CLDN16: variants seen among roughly 807,000 people sequenced by gnomAD.
CLDN16 encodes claudin 16, also known as claudin-16.
In CLDN16, 13 loss-of-function variants were observed where a neutral mutation model predicts 24.6. The observed-to-expected ratio is 0.53, with a 90% CI of 0.34 to 0.84. The LOEUF (loss-of-function observed/expected upper bound fraction) is 0.84, where lower values mean the gene tolerates loss of function less well. CLDN16 is among the 40% of genes least tolerant of loss of function. CLDN16 has a pLI of 0.01. For synonymous variants in CLDN16, 116 were observed against 106.7 expected, an observed-to-expected ratio of 1.09 and a Z score of -0.54; for missense variants, 298 against 292.7, an observed-to-expected ratio of 1.02 and a Z score of -0.13.
upstream of CLDN16, chr3:190,322,009 G>C (rs1716936831): frequency 6.2e-7 from 1 of 1,614,082 alleles, no homozygotes; most frequent in Non-Finnish European, 8.5e-7. Flanking sequence ...AGGAGTCAAA[G>C]ACTTTGCACT....
At chr3:190,317,749 T>A (rs1322449404), upstream of CLDN16, among the ~76,000 whole-genome samples, 2 of 152,230 alleles carry the variant, frequency 1.3e-5, no homozygotes, top group Admixed American at 6.5e-5. Flanking sequence ...GGAAGCCTTG[T>A]ATACAGAAAG....
At chr3:190,363,563 T>A (rs1022477321) in intron 1 of CLDN16, among the ~76,000 whole-genome samples, 2 of 98,768 alleles carry the variant, frequency 2.0e-5, no homozygotes, top group African/African-American at 8.2e-5. Flanking sequence ...TGTGTATATA[T>A]ATATATATAT....
chr3:190,371,361 T>C (rs1203190095), intron 2 of CLDN16, among the ~76,000 whole-genome samples: 1 of 151,862 alleles, frequency 6.6e-6, no homozygotes, highest in Non-Finnish European at 1.5e-5. Flanking sequence ...CTCATGATAA[T>C]TTCTTTTTAG....
At chr3:190,332,591 T>A (rs1200757330) in intron 1 of CLDN16, among the ~76,000 whole-genome samples, 1 of 152,200 alleles carries the variant, frequency 6.6e-6, no homozygotes, top group African/African-American at 2.4e-5. Flanking sequence ...ATTAAAATTA[T>A]CTCTAAGGTC....
chr3:190,321,197 T>A (rs1214969004), upstream of CLDN16, among the ~76,000 whole-genome samples: 1 of 152,190 alleles, frequency 6.6e-6, no homozygotes, highest in Non-Finnish European at 1.5e-5. Flanking sequence ...TGCATTTCCC[T>A]TCAGTGCCTT....
chr3:190,359,639 C>G (rs73889974), intron 1 of CLDN16, among the ~76,000 whole-genome samples: 1 of 151,958 alleles, frequency 6.6e-6, no homozygotes, highest in Non-Finnish European at 1.5e-5. Flanking sequence ...TCCTTACAGT[C>G]CAATGGTTGA....
At chr3:190,315,864 C>G in the CLDN16 span, among the ~76,000 whole-genome samples, 1 of 152,114 alleles carries the variant, frequency 6.6e-6, no homozygotes. Flanking sequence ...TCTCATGAGT[C>G]GGACTGTGTA....
chr3:190,357,910 T>TG (rs1717811258), intron 1 of CLDN16, among the ~76,000 whole-genome samples: 1 of 151,954 alleles, frequency 6.6e-6, no homozygotes, highest in African/African-American at 2.4e-5. Flanking sequence ...TATGTGTCTT[T>TG]CTGCCACAAT....
chr3:190,343,388 A>T (rs1455746940), intron 1 of CLDN16, among the ~76,000 whole-genome samples: 1 of 152,170 alleles, frequency 6.6e-6, no homozygotes, highest in East Asian at 1.9e-4. Context: ...TAAAAAAAGT[A>T]TAGAAGTTCC....
At chr3:190,290,690 G>A in the CLDN16 span, among the ~76,000 whole-genome samples, 1 of 152,096 alleles carries the variant, frequency 6.6e-6, no homozygotes, top group Non-Finnish European at 1.5e-5. Flanking sequence ...TTATCTTACA[G>A]AAAGGATGTA....
At chr3:190,313,623 A>G in the CLDN16 span, among the ~76,000 whole-genome samples, 1 of 152,190 alleles carries the variant, frequency 6.6e-6, no homozygotes, top group Non-Finnish European at 1.5e-5. Flanking sequence ...AAGAATATAG[A>G]AGTCATTTTC....
chr3:190,335,826 A>G (rs1445141238), intron 1 of CLDN16, among the ~76,000 whole-genome samples: 1 of 152,194 alleles, frequency 6.6e-6, no homozygotes, highest in African/African-American at 2.4e-5. Flanking sequence ...AGGGAGCTCA[A>G]TATAAATGAC....
intron 1 of CLDN16, among the ~76,000 whole-genome samples, chr3:190,363,576 A>G (rs895335661): frequency 7.5e-6 from 1 of 134,088 alleles, no homozygotes; most frequent in East Asian, 2.3e-4. Context: ...ATATATATAT[A>G]TATATATATA....
chr3:190,298,348 T>TACACAC, the CLDN16 span, among the ~76,000 whole-genome samples: 3,810 of 147,930 alleles, frequency 0.026, 124 homozygotes, highest in African/African-American at 0.08. Context: ...ATGTATATTA[T>TACACAC]ACACACACAC....
intron 1 of CLDN16, among the ~76,000 whole-genome samples, chr3:190,330,638 C>T (rs1266061023): frequency 6.6e-6 from 1 of 152,040 alleles, no homozygotes; most frequent in Non-Finnish European, 1.5e-5. Flanking sequence ...AATGTTATCT[C>T]TTGTAATAAC....
intron 1 of CLDN16, among the ~76,000 whole-genome samples, chr3:190,391,454 G>C (rs1178659101): frequency 6.6e-6 from 1 of 152,070 alleles, no homozygotes; most frequent in Non-Finnish European, 1.5e-5. Flanking sequence ...TTCATATTTT[G>C]AGCAAGAAAT....
intron 3 of CLDN16, among the ~76,000 whole-genome samples, chr3:190,380,272 T>TCCTTCCTTCCTTC (rs1282830158): frequency 5.3e-5 from 8 of 150,376 alleles, no homozygotes; most frequent in East Asian, 2.0e-4. Context: ...CTTCCTTCCT[T>TCCTTCCTTCCTTC]CTGTTTTTTG....
intron 1 of CLDN16, among the ~76,000 whole-genome samples, chr3:190,339,740 A>G (rs1382526350): frequency 6.6e-6 from 1 of 152,226 alleles, no homozygotes; most frequent in East Asian, 1.9e-4. Context: ...ATATGTAAAA[A>G]AAATTACTAC....
At chr3:190,398,843 T>C (rs1718886554) in intron 1 of CLDN16, among the ~76,000 whole-genome samples, 1 of 152,216 alleles carries the variant, frequency 6.6e-6, no homozygotes, top group Non-Finnish European at 1.5e-5. Flanking sequence ...TTCCCCAAGG[T>C]TACAACATAG....
Sources: gnomAD v4.1 joint callset for allele counts (sites outside exome capture counted in the v4.1 genomes callset) on GRCh38, gnomAD v4.1.1 for gene constraint, MANE v1.5 for transcripts, NCBI Gene and HGNC (gene_info 2026-07-23, HGNC 2026-07-21) for gene names.